Variants in DIS3L observed in about 807,000 individuals in gnomAD.
DIS3L encodes the protein DIS3 like exosome 3'-5' exoribonuclease, also known as DIS3-like exonuclease 1.
In DIS3L, 100 loss-of-function variants were observed where a neutral mutation model predicts 120.3. The ratio of observed to expected loss-of-function variants is 0.83; its 90% CI spans 0.71 to 0.98. The LOEUF (loss-of-function observed/expected upper bound fraction) is 0.98, where lower values mean the gene tolerates loss of function less well. Among genes scored for constraint, DIS3L ranks in the 50% least tolerant of loss-of-function variants. The probability of loss-of-function intolerance (pLI) is 0.00; values close to 1 mark genes in which losing one functional copy is unlikely to be tolerated. For synonymous variants in DIS3L, 426 were observed against 470.6 expected, an observed-to-expected ratio of 0.91 and a Z score of 1.23; for missense variants, 1,196 against 1,314.2, an observed-to-expected ratio of 0.91 and a Z score of 1.39.
chr15:66,322,474 G>T (rs2092894825), intron 9 of DIS3L, among the ~76,000 whole-genome samples: 1 of 152,094 alleles, frequency 6.6e-6, no homozygotes, highest in Non-Finnish European at 1.5e-5. Context: ...TGTCTTTCTT[G>T]TTGACTCCTG....
intron 15 of DIS3L, 91 bp from the exon 16 acceptor site, chr15:66,332,645 C>T: frequency 8.7e-6 from 11 of 1,268,372 alleles, no homozygotes; most frequent in Non-Finnish European, 1.1e-5. Context: ...TGTTTTTAAT[C>T]TAGGAGAAAA....
intron 4 of DIS3L, 67 bp from the exon 5 acceptor site, chr15:66,311,657 G>C (rs372281048): frequency 1.6e-5 from 25 of 1,587,502 alleles, no homozygotes; most frequent in Admixed American, 5.1e-5. Context: ...AGGAGTTTCT[G>C]TCATAGTACC....
chr15:66,314,253 G>T, intron 6 of DIS3L, 136 bp downstream of exon 6: 1 of 568,778 alleles, frequency 1.8e-6, no homozygotes, highest in Admixed American at 4.1e-5. Flanking sequence ...ATGTGAGATT[G>T]TGGCGGGGGG....
chr15:66,293,674 C>T lies in DIS3L; in HGVS notation c.78C>T (p.Tyr26=). The T allele has an allele frequency of 7.1e-7, 1 of 1,411,714 alleles. No homozygotes were observed. Among genetic ancestry groups the T allele is most frequent in the Non-Finnish European group, 9.3e-7 (1 of 1,079,638 alleles). The allele number at this position is 1,411,714 out of a possible 1,614,324, so 87.4% of individuals were successfully genotyped here. A position where few individuals can be genotyped will look rare whatever the true frequency, so the allele number is the denominator to read the frequency against. ...GRTLRIVREH[Y]LRPCVPCHSP... ...CGCTGCGGATCGTGCGCGAGCACTA[C>T]CTGCGGCCCTGCGTGCCCTGCCACA... The change falls in exon 1 of 17, where the codon TAC becomes TAT. Residue 26 remains tyrosine (Y), a synonymous_variant. Coordinates refer to ENST00000319212, the MANE Select transcript of DIS3L (RefSeq NM_001143688.3).
At chr15:66,332,254 C>T (rs1249366672) in intron 15 of DIS3L, among the ~76,000 whole-genome samples, 2 of 151,990 alleles carry the variant, frequency 1.3e-5, no homozygotes, top group Non-Finnish European at 2.9e-5. Flanking sequence ...GTCAGGAGTT[C>T]GAGACCAGCC....
chr15:66,316,421 C>T (rs1444268532), intron 7 of DIS3L, among the ~76,000 whole-genome samples: 1 of 152,144 alleles, frequency 6.6e-6, no homozygotes, highest in Non-Finnish European at 1.5e-5. Flanking sequence ...TCCACTGGCA[C>T]CTCAGGATTG....
intron 8 of DIS3L, 64 bp from the exon 9 acceptor site, chr15:66,320,507 T>C (rs2092870673): frequency 6.6e-7 from 1 of 1,518,028 alleles, no homozygotes; most frequent in African/African-American, 1.4e-5. Flanking sequence ...GTTTGTTTGA[T>C]GCCTCTAATT....
rs1384885588 is a variant in DIS3L, at chr15:66,294,294, T to TG, written c.139+563dup. ...GCGGAAGGTCACGGGGAAGTTGGACTGGGGACTCCTGGGCCCCAGTCCTTG... is the reference window on the plus strand; with the variant it reads ...GCGGAAGGTCACGGGGAAGTTGGACTGGGGGACTCCTGGGCCCCAGTCCTTG... On this transcript the variant is annotated intron_variant, in intron 1 of 16. Transcript: ENST00000319212. 5.1e-6 allele frequency: 5 copies of TG among 985,348 alleles called. No individual in the cohort carries two copies. In the South Asian group the frequency reaches 1.4e-4, roughly 28 times the overall value. 61.0% of individuals were successfully genotyped at this position (985,348 alleles called of 1,614,324 possible).
chr15:66,302,740 C>A (rs1299565116), intron 2 of DIS3L, among the ~76,000 whole-genome samples: 1 of 152,150 alleles, frequency 6.6e-6, no homozygotes, highest in Non-Finnish European at 1.5e-5. Flanking sequence ...TCCTTTCAAG[C>A]ACTTATCCCA....
intron 5 of DIS3L, among the ~76,000 whole-genome samples, chr15:66,312,223 A>T (rs1331061926): frequency 6.6e-6 from 1 of 151,716 alleles, no homozygotes; most frequent in Non-Finnish European, 1.5e-5. Context: ...AAAAAAAAAA[A>T]AAAAAGAATC....
chr15:66,302,691 T>C (rs554985741), intron 2 of DIS3L, among the ~76,000 whole-genome samples: 63 of 152,280 alleles, frequency 4.1e-4, no homozygotes, highest in African/African-American at 1.4e-3. Context: ...AGCTCATGGG[T>C]CACCTACTCC....
At chr15:66,293,880 C>A in intron 1 of DIS3L, 145 bp downstream of exon 1, 1 of 847,228 alleles carries the variant, frequency 1.2e-6, no homozygotes, top group Non-Finnish European at 1.3e-6. Context: ...CCGGCCTCAC[C>A]CCCCGGCTCT....
chr15:66,301,281 A>ATTTG (rs1197279597), intron 2 of DIS3L, among the ~76,000 whole-genome samples: 2 of 151,822 alleles, frequency 1.3e-5, no homozygotes, highest in African/African-American at 4.8e-5. Context: ...ATATTTATTT[A>ATTTG]TTTATTTATT....
Position 66,314,136 on chromosome 15 carries a change from A to G in DIS3L, c.814+19A>G. On this transcript the variant is annotated intron_variant, in intron 6 of 16. Transcript: ENST00000319212. ...GATTCAGGTTCAGTATAAACCTTAC[A>G]TAAATTTCCATACTCCTTTTTTATT... 2.8e-6 allele frequency: 4 copies of G among 1,436,814 alleles called. No homozygotes were observed. The highest frequency in any genetic ancestry group is 2.7e-6 in the Non-Finnish European group (3 of 1,096,628). The allele number at this position is 1,436,814 out of a possible 1,614,324, so 89.0% of individuals were successfully genotyped here.
intron 6 of DIS3L, 45 bp downstream of exon 6, chr15:66,314,162 C>A: frequency 7.3e-7 from 1 of 1,379,102 alleles, no homozygotes; most frequent in Non-Finnish European, 9.5e-7. Flanking sequence ...CTTTTTTATT[C>A]TGACGTTATA....
At chr15:66,303,441 G>A (rs577524322) in intron 2 of DIS3L, among the ~76,000 whole-genome samples, 41 of 152,232 alleles carry the variant, frequency 2.7e-4, no homozygotes, top group African/African-American at 8.9e-4. Context: ...ATTCCCCAGG[G>A]CATTCAGTGC....
intron 2 of DIS3L, 94 bp from the exon 3 acceptor site, chr15:66,306,730 T>C: frequency 6.5e-7 from 1 of 1,549,132 alleles, no homozygotes; most frequent in Non-Finnish European, 8.8e-7. Context: ...AATCTTTTGC[T>C]CTAAAATACC....
chr15:66,321,807 C>G (rs2140388807), intron 9 of DIS3L, among the ~76,000 whole-genome samples: 1 of 151,686 alleles, frequency 6.6e-6, no homozygotes, highest in South Asian at 2.1e-4. Flanking sequence ...TTTATAAACA[C>G]CGCTTTTTAA....
At chr15:66,324,932 A>G (rs1047890197) in intron 11 of DIS3L, among the ~76,000 whole-genome samples, 2 of 152,276 alleles carry the variant, frequency 1.3e-5, no homozygotes, top group African/African-American at 4.8e-5. Flanking sequence ...TTTAAATAAA[A>G]TGACTTGGTG....
Sources: allele counts gnomAD v4.1 joint callset (sites outside exome capture counted in the v4.1 genomes callset), GRCh38; gene constraint gnomAD v4.1.1; transcripts MANE v1.5; gene names NCBI Gene and HGNC (gene_info 2026-07-23, HGNC 2026-07-21).